Variants in DIS3L2 observed in about 807,000 individuals in gnomAD.
The protein encoded by DIS3L2 is DIS3-like exonuclease 2.
DIS3L2 carries 34 observed loss-of-function variants against 97.5 expected under a neutral mutation model. The ratio of observed to expected loss-of-function variants is 0.35; its 90% CI spans 0.27 to 0.46. The LOEUF (loss-of-function observed/expected upper bound fraction) is 0.46. Ranked by LOEUF, DIS3L2 falls within the 20% of genes least tolerant of loss-of-function variation. The pLI, the probability that DIS3L2 is intolerant of heterozygous loss-of-function variation, is 1.00. For missense variants in DIS3L2, 1,038 were observed against 1,146.0 expected (o/e 0.91, Z 1.36); for synonymous variants, 435 against 445.2 (o/e 0.98, Z 0.29).
intron 5 of DIS3L2, among the ~76,000 whole-genome samples, chr2:232,032,844 G>T (rs1694850013): frequency 1.3e-5 from 2 of 152,092 alleles, no homozygotes; most frequent in African/African-American, 2.4e-5. Flanking sequence ...TGTCCTATTG[G>T]TCTATATATC....
At chr2:232,040,663 C>T (rs1194739556) in intron 5 of DIS3L2, among the ~76,000 whole-genome samples, 2 of 152,210 alleles carry the variant, frequency 1.3e-5, no homozygotes, top group Non-Finnish European at 2.9e-5. Context: ...ATAACAACTG[C>T]TAACTTACTG....
intron 3 of DIS3L2, among the ~76,000 whole-genome samples, chr2:232,022,286 A>G (rs1350119785): frequency 1.3e-5 from 2 of 152,152 alleles, no homozygotes; most frequent in African/African-American, 4.8e-5. Flanking sequence ...CAAATTTGCA[A>G]ATGCTGTTGT....
intron 5 of DIS3L2, among the ~76,000 whole-genome samples, chr2:232,085,296 G>A (rs1696540592): frequency 6.6e-6 from 1 of 152,076 alleles, no homozygotes; most frequent in Non-Finnish European, 1.5e-5. Flanking sequence ...ACTTTTGATT[G>A]TGTTCACTGT....
intron 5 of DIS3L2, among the ~76,000 whole-genome samples, chr2:232,074,948 A>G (rs1696141565): frequency 6.6e-6 from 1 of 152,182 alleles, no homozygotes; most frequent in Non-Finnish European, 1.5e-5. Flanking sequence ...AACAACATTT[A>G]GGCAGAGAGA....
intron 8 of DIS3L2, among the ~76,000 whole-genome samples, chr2:232,157,395 A>C (rs1196815150): frequency 6.6e-6 from 1 of 152,126 alleles, no homozygotes; most frequent in African/African-American, 2.4e-5. Flanking sequence ...CCCCCTCACA[A>C]CTGATGCCTC....
chr2:232,212,011 A>G (rs1044366209), intron 10 of DIS3L2, among the ~76,000 whole-genome samples: 1 of 152,208 alleles, frequency 6.6e-6, no homozygotes, highest in Non-Finnish European at 1.5e-5. Flanking sequence ...AGCACGAGCC[A>G]CTGTGCTGAG....
chr2:232,284,197 A>C (rs190612312), intron 13 of DIS3L2, among the ~76,000 whole-genome samples: 4 of 152,294 alleles, frequency 2.6e-5, no homozygotes, highest in Admixed American at 1.3e-4. Flanking sequence ...GTGGGGCACA[A>C]ACTAGAAGAG....
chr2:232,201,635 G>A (rs755227454), intron 9 of DIS3L2, among the ~76,000 whole-genome samples: 1 of 152,184 alleles, frequency 6.6e-6, no homozygotes, highest in Non-Finnish European at 1.5e-5. Flanking sequence ...ATTTAAACGT[G>A]GTCTATGAAT....
intron 13 of DIS3L2, among the ~76,000 whole-genome samples, chr2:232,277,163 G>GCTC (rs34997815): frequency 0.15 from 23,164 of 152,146 alleles, 2,254 homozygotes; most frequent in Middle Eastern, 0.26. Flanking sequence ...CCTGAAGGGA[G>GCTC]CTCCGTGGTG....
intron 11 of DIS3L2, among the ~76,000 whole-genome samples, chr2:232,239,388 TTAA>T (rs1389776542): frequency 6.6e-6 from 1 of 152,134 alleles, no homozygotes; most frequent in Non-Finnish European, 1.5e-5. Context: ...GAGAAAGGGG[TTAA>T]TAAGAGACCA....
intron 1 of DIS3L2, among the ~76,000 whole-genome samples, chr2:232,000,814 A>G (rs1489978764): frequency 7.5e-6 from 1 of 132,974 alleles, no homozygotes; most frequent in African/African-American, 2.8e-5. Flanking sequence ...CAGTTCTCCT[A>G]CCTTGGCCTC....
intron 3 of DIS3L2, among the ~76,000 whole-genome samples, chr2:232,018,197 A>G (rs559387334): frequency 4.9e-4 from 75 of 152,338 alleles, no homozygotes; most frequent in African/African-American, 1.5e-3. Flanking sequence ...AGCGTTCTGC[A>G]GTGATATTAG....
chr2:231,990,268 C>T (rs1173189151), intron 1 of DIS3L2, among the ~76,000 whole-genome samples: 1 of 151,886 alleles, frequency 6.6e-6, no homozygotes, highest in African/African-American at 2.4e-5. Flanking sequence ...CCTTCCTTCA[C>T]TGGATGGATG....
chr2:232,072,073 A>C lies in DIS3L2; in HGVS notation c.367-15414A>C, dbSNP rs552598889. Among the ~76,000 whole-genome samples the C allele has an allele frequency of 4.6e-5, 7 of 152,222 alleles. No individual in the cohort carries two copies. In the South Asian group the frequency reaches 1.5e-3, roughly 32 times the overall value. On this transcript the variant is annotated intron_variant, in intron 5 of 20. Coordinates refer to ENST00000325385, the MANE Select transcript of DIS3L2 (RefSeq NM_152383.5). ...TTTTCAGCTTGAGTGGCCTGGAAGA[A>C]GTAGTAGTGGTGTTTGAAGAAAGAG...
chr2:231,994,582 A>G (rs1218224109), intron 1 of DIS3L2, among the ~76,000 whole-genome samples: 1 of 152,094 alleles, frequency 6.6e-6, no homozygotes, highest in Non-Finnish European at 1.5e-5. Context: ...CTTTATAGTT[A>G]CATACATTGA....
chr2:232,251,742 C>T (rs1399378119), intron 12 of DIS3L2, among the ~76,000 whole-genome samples: 3 of 152,172 alleles, frequency 2.0e-5, no homozygotes, highest in Admixed American at 2.0e-4. Context: ...TACCACAACC[C>T]TAGAAATTAG....
At chr2:231,989,001 G>A (rs143940103) in intron 1 of DIS3L2, among the ~76,000 whole-genome samples, 19 of 152,256 alleles carry the variant, frequency 1.2e-4, no homozygotes, top group African/African-American at 4.6e-4. Flanking sequence ...AAATTGCCAT[G>A]GTAAAATTGG....
chr2:232,343,320 C>A (rs1024940334), intron 13 of DIS3L2: 6 of 1,546,994 alleles, frequency 3.9e-6, no homozygotes, highest in Non-Finnish European at 5.3e-6. Flanking sequence ...GCCTCCTCAT[C>A]CAGGAGACAC....
At chr2:232,086,615 A>ATATG (rs1553606002) in intron 5 of DIS3L2, among the ~76,000 whole-genome samples, 1 of 54,546 alleles carries the variant, frequency 1.8e-5, no homozygotes, top group African/African-American at 5.8e-5. Context: ...GTGTGTGTGT[A>ATATG]TATATATATA....
Sources: allele counts gnomAD v4.1 joint callset (sites outside exome capture counted in the v4.1 genomes callset), GRCh38; gene constraint gnomAD v4.1.1; transcripts MANE v1.5; gene names NCBI Gene and HGNC (gene_info 2026-07-23, HGNC 2026-07-21).